DPYSL2: variants seen among roughly 807,000 people sequenced by gnomAD.
DPYSL2 encodes the protein dihydropyrimidinase like 2, also known as dihydropyrimidinase-related protein 2.
Under a neutral mutation model 69.9 loss-of-function variants are expected in DPYSL2, and 13 were observed. The observed-to-expected ratio is 0.19, with a 90% CI of 0.12 to 0.30. The LOEUF is 0.30. Ranked by LOEUF, DPYSL2 falls within the 10% of genes least tolerant of loss-of-function variation. The pLI is 1.00. For missense variants in DPYSL2, 587 were observed against 918.9 expected, an observed-to-expected ratio of 0.64 and a Z score of 4.67; for synonymous variants, 326 against 359.1, an observed-to-expected ratio of 0.91 and a Z score of 1.04.
Position 26,643,451 on chromosome 8 carries a change from A to G in DPYSL2, c.1139A>G (p.Tyr380Cys). The change falls in exon 9 of 14, where the codon TAT (tyrosine) becomes TGT (cysteine). Residue 380 changes from tyrosine (Y) to cysteine (C), a missense_variant. Physicochemically the swap from Tyr to Cys is radical, Grantham distance 194 (BLOSUM62 -2). Transcript: ENST00000521913. This position sits in a 1 kb window ranked among gnomAD's most constrained non-coding sequence, Gnocchi z 6.5. The part of the protein sequence containing the change: ...AQARKKGTVV[Y>C]GEPITASLGT... ...TTCTGTTTGTCAGGAACTGTGGTGT[A>G]TGGCGAGCCCATCACTGCCAGCTTG... 6.3e-7 allele frequency: 1 copy of G among 1,595,936 alleles called. No individual in the cohort carries two copies. Among genetic ancestry groups the G allele is most frequent in the South Asian group, 1.2e-5 (1 of 86,812 alleles).
rs55930853 is a variant in DPYSL2 at position 26,605,701 on chromosome 8, T to C, written c.629-18442T>C. Among the ~76,000 whole-genome samples the C allele has an allele frequency of 0.026, 4,018 of 152,012 alleles. 167 individuals carry two copies. The highest frequency in any genetic ancestry group is 0.091 in the African/African-American group (3,752 of 41,430). ...TTCCCTGTATGTCATAAATAACCAA[T>C]CAGAAAACATAATTTAAAAAATCCA... On this transcript the variant is annotated intron_variant, in intron 3 of 13. Coordinates refer to ENST00000521913, the MANE Select transcript of DPYSL2 (RefSeq NM_001197293.3). This position sits in a 1 kb window ranked among gnomAD's most constrained non-coding sequence, Gnocchi z 4.1.
At chr8:26,577,222 C>A (rs768107440) in intron 1 of DPYSL2, 1 of 418,224 alleles carries the variant, frequency 2.4e-6, no homozygotes, top group Admixed American at 2.6e-5. Context: ...CCCCCCGGCC[C>A]GCGCCCATTC....
intron 1 of DPYSL2, among the ~76,000 whole-genome samples, chr8:26,568,874 A>G (rs936546096): frequency 1.3e-5 from 2 of 152,178 alleles, no homozygotes; most frequent in African/African-American, 4.8e-5. Flanking sequence ...GATTGAAAAG[A>G]GGAACCCGGC....
At chr8:26,537,569 T>C (rs1207880578) in intron 1 of DPYSL2, among the ~76,000 whole-genome samples, 1 of 150,874 alleles carries the variant, frequency 6.6e-6, no homozygotes, top group Non-Finnish European at 1.5e-5. Context: ...TTTCCTGCAT[T>C]GTTGGCATTT....
intron 1 of DPYSL2, among the ~76,000 whole-genome samples, chr8:26,544,104 T>G (rs1463944181): frequency 6.6e-6 from 1 of 151,978 alleles, no homozygotes; most frequent in Non-Finnish European, 1.5e-5. Flanking sequence ...ACAGACTCAA[T>G]GTATTAGTTT....
At chr8:26,552,202 A>AATAT (rs1347604697) in intron 1 of DPYSL2, among the ~76,000 whole-genome samples, 1 of 152,208 alleles carries the variant, frequency 6.6e-6, no homozygotes, top group Non-Finnish European at 1.5e-5. Flanking sequence ...AGAAGATGAA[A>AATAT]ATACAACTTA....
intron 1 of DPYSL2, among the ~76,000 whole-genome samples, chr8:26,534,885 A>G (rs1800567281): frequency 6.6e-6 from 1 of 152,112 alleles, no homozygotes. Context: ...TTCCCACCTC[A>G]GCCTCCCAAA....
chr8:26,624,660 A>T lies in DPYSL2; in HGVS notation c.793+353A>T, dbSNP rs989684263. Among the ~76,000 whole-genome samples, 5 of 152,162 alleles carry T rather than the reference A, an allele frequency of 3.3e-5. No individual in the cohort carries two copies. Among genetic ancestry groups the T allele is most frequent in the African/African-American group, 1.2e-4 (5 of 41,450 alleles). On this transcript the variant is annotated intron_variant, in intron 4 of 13. Coordinates refer to ENST00000521913, the MANE Select transcript of DPYSL2 (RefSeq NM_001197293.3). This position sits in a 1 kb window ranked among gnomAD's most constrained non-coding sequence, Gnocchi z 4.7. ...AGAGATTTACCCTCAAAAGATAACA[A>T]ATACATATCTCAGTGAGGATTTGAC...
rs1801060040 is a variant in DPYSL2, at chr8:26,560,910, A to T, written c.355-21059A>T. Reference sequence around the variant, plus strand: ...TATGATGAGTGTTTGTCAGGCCTCCAAGTCTAAAGAAGAATTTAAATTGAG... The same window carrying T: ...TATGATGAGTGTTTGTCAGGCCTCCTAGTCTAAAGAAGAATTTAAATTGAG... On this transcript the variant is annotated intron_variant, in intron 1 of 13. Transcript: ENST00000521913. The surrounding 1 kb of genome is among the most constrained non-coding windows in gnomAD (Gnocchi z 4.4). Among the ~76,000 whole-genome samples the T allele has an allele frequency of 6.6e-6, 1 of 152,194 alleles. No individual in the cohort carries two copies.
rs1378058212 is a variant in DPYSL2, at chr8:26,582,321, T to A, written c.443+264T>A. Among the ~76,000 whole-genome samples, 1 of 152,270 alleles carries A rather than the reference T, an allele frequency of 6.6e-6. No homozygotes were observed. The highest frequency in any genetic ancestry group is 1.5e-5 in the Non-Finnish European group (1 of 68,044). ...TTTAACTGAGGTGATATGATATCTTTCTGTTGCCAGCTCAAATACTTGGTT... is the reference window on the plus strand; with the variant it reads ...TTTAACTGAGGTGATATGATATCTTACTGTTGCCAGCTCAAATACTTGGTT... On this transcript the variant is annotated intron_variant, in intron 2 of 13. Transcript: ENST00000521913. This position sits in a 1 kb window ranked among gnomAD's most constrained non-coding sequence, Gnocchi z 4.1.
chr8:26,608,661 T>A (rs1443275918), intron 3 of DPYSL2, among the ~76,000 whole-genome samples: 1 of 152,188 alleles, frequency 6.6e-6, no homozygotes, highest in Admixed American at 6.5e-5. Context: ...TCAGATACAT[T>A]GGCTTTTATT....
At chr8:26,544,078 T>C (rs555384029) in intron 1 of DPYSL2, among the ~76,000 whole-genome samples, 2 of 86,412 alleles carry the variant, frequency 2.3e-5, no homozygotes, top group South Asian at 4.6e-4. Context: ...GTCTTTTCTA[T>C]GAATTTTAAC....
rs17055424 is a variant in DPYSL2, at chr8:26,533,631, A to G, written c.354+18952A>G. ...ATTTATTGATTAGCAAAAGCATTTT[A>G]GGAGATGGCAAGAAACTAGAGACAA... On this transcript the variant is annotated intron_variant, in intron 1 of 13. Coordinates refer to ENST00000521913, the MANE Select transcript of DPYSL2 (RefSeq NM_001197293.3). The surrounding 1 kb of genome is among the most constrained non-coding windows in gnomAD (Gnocchi z 4.8). Among the ~76,000 whole-genome samples the G allele has an allele frequency of 0.041, 6,238 of 152,328 alleles. 248 individuals carry two copies. Among genetic ancestry groups the G allele is most frequent in the African/African-American group, 0.099 (4,132 of 41,552 alleles).
rs1164792017 is a variant in DPYSL2, at chr8:26,642,656, A to G, written c.1127-783A>G. Among the ~76,000 whole-genome samples, 2 of 152,258 alleles carry G rather than the reference A, an allele frequency of 1.3e-5. No individual in the cohort carries two copies. The highest frequency in any genetic ancestry group is 2.9e-5 in the Non-Finnish European group (2 of 68,048). On this transcript the variant is annotated intron_variant, in intron 8 of 13. Transcript: ENST00000521913. This position sits in a 1 kb window ranked among gnomAD's most constrained non-coding sequence, Gnocchi z 5.3. ...TAAGGTATTGGCATTCAGCGAATGT[A>G]CATGAGTCTCAACTTTCTGGTTTAC...
intron 3 of DPYSL2, among the ~76,000 whole-genome samples, chr8:26,616,262 T>C (rs1802343037): frequency 6.6e-6 from 1 of 152,084 alleles, no homozygotes; most frequent in Non-Finnish European, 1.5e-5. Flanking sequence ...ATGCCCTTTT[T>C]TTCAGAGCAA....
rs576615385 is a variant in DPYSL2 at position 26,580,085 on chromosome 8, G to A, written c.355-1884G>A. ...CTGGAAGGCACTAGAGTGAACGGGGGTGTGGTGTTTCACTTTTTTTCATGG... is the reference window on the plus strand; with the variant it reads ...CTGGAAGGCACTAGAGTGAACGGGGATGTGGTGTTTCACTTTTTTTCATGG... On this transcript the variant is annotated intron_variant, in intron 1 of 13. Transcript: ENST00000521913. This position sits in a 1 kb window ranked among gnomAD's most constrained non-coding sequence, Gnocchi z 4.1. Among the ~76,000 whole-genome samples, 1 of 152,188 alleles carries A rather than the reference G, an allele frequency of 6.6e-6. No individual in the cohort carries two copies. The highest frequency in any genetic ancestry group is 1.9e-4 in the East Asian group (1 of 5,174).
In DPYSL2 at chr8:26,655,883, C is replaced by G; in HGVS notation, c.*177C>G. ...TGGGGCCCCACACCCCGTCTCTCAC[C>G]AAGAGTTACTGATTTTGCTCATCCA... is the stretch of plus-strand genomic sequence containing the variant. On this transcript the variant is annotated 3_prime_UTR_variant, in exon 14 of 14. Coordinates refer to ENST00000521913, the MANE Select transcript of DPYSL2 (RefSeq NM_001197293.3). The G allele has an allele frequency of 2.0e-6, 1 of 498,532 alleles. No homozygotes were observed. Among genetic ancestry groups the G allele is most frequent in the East Asian group, 3.0e-5 (1 of 33,228 alleles). The allele number at this position is 498,532 out of a possible 1,614,324, so 30.9% of individuals were successfully genotyped here. A position where few individuals can be genotyped will look rare whatever the true frequency, so the allele number is the denominator to read the frequency against.
At position 26,514,329 on chromosome 8, in the gene DPYSL2, G is replaced by A. The variant is rs1808234172; in HGVS notation, c.4G>A (p.Ala2Thr). Residue 2 changes from alanine (A) to threonine (T), a missense_variant, in exon 1 of 14, where the codon GCC becomes ACC. Ala to Thr is a moderately conservative substitution (Grantham distance 58). Transcript: ENST00000521913. The surrounding 1 kb of genome is among the most constrained non-coding windows in gnomAD (Gnocchi z 8.4). ...ACCCTACCCGAGCCCCCGAGCCATG[G>A]CCGAGAGAAAGCAATCCGGGAAGGC... is the stretch of plus-strand genomic sequence containing the variant. Reference protein sequence around the residue: MAERKQSGKAAE... With the variant: MTERKQSGKAAE... The A allele has an allele frequency of 2.1e-6, 3 of 1,460,650 alleles. No individual in the cohort carries two copies. Among genetic ancestry groups the A allele is most frequent in the South Asian group, 2.8e-5 (2 of 72,120 alleles). The allele number at this position is 1,460,650 out of a possible 1,614,324, so 90.5% of individuals were successfully genotyped here.
At chr8:26,592,360 C>T (rs1052651787) in intron 3 of DPYSL2, among the ~76,000 whole-genome samples, 4 of 152,050 alleles carry the variant, frequency 2.6e-5, no homozygotes, top group Non-Finnish European at 5.9e-5. Context: ...GCTATGTTGC[C>T]CAGGCTGGTC....
Sources: allele counts gnomAD v4.1 joint callset (sites outside exome capture counted in the v4.1 genomes callset), GRCh38; gene constraint gnomAD v4.1.1; non-coding constraint Gnocchi (gnomAD v3.1); transcripts MANE v1.5; gene names NCBI Gene and HGNC (gene_info 2026-07-23, HGNC 2026-07-21).